ZNF423: variants seen among roughly 807,000 people sequenced by gnomAD.
The protein encoded by ZNF423 is Ebf-associated zinc finger protein.
A neutral mutation model predicts 95.8 loss-of-function variants in ZNF423; 12 were observed. The ratio of observed to expected loss-of-function variants is 0.13; its 90% CI spans 0.08 to 0.20. ZNF423 has a LOEUF of 0.20. ZNF423 is among the 10% of genes least tolerant of loss of function. The pLI is 1.00. For synonymous variants in ZNF423, 749 were observed against 711.9 expected (o/e 1.05, Z -0.83); for missense variants, 1,316 against 1,737.1 (o/e 0.76, Z 4.31).
intron 7 of ZNF423, among the ~76,000 whole-genome samples, chr16:49,512,639 A>G (rs1222163637): frequency 3.3e-5 from 5 of 152,214 alleles, no homozygotes; most frequent in African/African-American, 4.8e-5. Context: ...AAGTGATCCT[A>G]TTGGAAAAGG....
chr16:49,622,481 A>G (rs543558151), intron 5 of ZNF423, among the ~76,000 whole-genome samples: 29 of 152,220 alleles, frequency 1.9e-4, no homozygotes, highest in Admixed American at 1.7e-3. Flanking sequence ...AGCCTGGCAG[A>G]AACCCATTGT....
intron 3 of ZNF423, among the ~76,000 whole-genome samples, chr16:49,671,359 C>G (rs1185664927): frequency 6.6e-6 from 1 of 152,218 alleles, no homozygotes; most frequent in East Asian, 1.9e-4. Flanking sequence ...ACCATAGGCC[C>G]TGGGTCCTGT....
At position 49,492,970 on chromosome 16, in the gene ZNF423, G is replaced by A. The variant is rs918584750; in HGVS notation, c.3850-1666C>T. On this transcript the variant is annotated intron_variant, in intron 7 of 7. Transcript: ENST00000563137. The surrounding 1 kb of genome is among the most constrained non-coding windows in gnomAD (Gnocchi z 4.2). ...GGGCACCGCAGTCTGCAAATCACCC[G>A]CATTCTGCACCAGACACAGTGCCAC... Among the ~76,000 whole-genome samples the A allele has an allele frequency of 1.3e-5, 2 of 152,028 alleles. No homozygotes were observed. The highest frequency in any genetic ancestry group is 6.6e-5 in the Admixed American group (1 of 15,260).
intron 5 of ZNF423, among the ~76,000 whole-genome samples, chr16:49,562,430 C>T (rs757487104): frequency 1.1e-4 from 16 of 152,182 alleles, no homozygotes; most frequent in African/African-American, 1.2e-4. Flanking sequence ...AAGTGCTTGG[C>T]GCAGTGCCTG....
At chr16:49,509,349 G>A (rs572875053) in intron 7 of ZNF423, among the ~76,000 whole-genome samples, 2 of 152,180 alleles carry the variant, frequency 1.3e-5, no homozygotes, top group East Asian at 1.9e-4. Flanking sequence ...ATGCAGCCCC[G>A]GACAAGCCCC....
chr16:49,618,599 C>T (rs1157655438), intron 5 of ZNF423, among the ~76,000 whole-genome samples: 1 of 152,122 alleles, frequency 6.6e-6, no homozygotes, highest in Non-Finnish European at 1.5e-5. Context: ...TGTAAGTTTC[C>T]TGAGGCCTCC....
intron 5 of ZNF423, among the ~76,000 whole-genome samples, chr16:49,586,406 C>T (rs938547043): frequency 2.6e-5 from 4 of 152,146 alleles, no homozygotes; most frequent in African/African-American, 9.7e-5. Flanking sequence ...CAACAAAAGG[C>T]GATGATTATT....
chr16:49,577,384 G>T (rs1432991777), intron 5 of ZNF423, among the ~76,000 whole-genome samples: 2 of 152,188 alleles, frequency 1.3e-5, no homozygotes, highest in Non-Finnish European at 2.9e-5. Context: ...AGCAGGCACA[G>T]TGAGGTTACA....
chr16:49,608,194 A>G (rs1971602909), intron 5 of ZNF423, among the ~76,000 whole-genome samples: 1 of 152,238 alleles, frequency 6.6e-6, no homozygotes, highest in African/African-American at 2.4e-5. Context: ...GAGAAGGACC[A>G]TCGGAGGGAA....
chr16:49,612,388 A>G (rs1181609301), intron 5 of ZNF423, among the ~76,000 whole-genome samples: 1 of 149,440 alleles, frequency 6.7e-6, no homozygotes, highest in African/African-American at 2.5e-5. Context: ...GAAAAAGTGC[A>G]TGGTCTCACA....
At chr16:49,649,248 G>C (rs1044902058) in intron 3 of ZNF423, among the ~76,000 whole-genome samples, 87 of 152,288 alleles carry the variant, frequency 5.7e-4, no homozygotes, top group African/African-American at 2.0e-3. Flanking sequence ...ACTGGACCAG[G>C]TTCAGATTCC....
chr16:49,632,755 A>G (rs7193386), intron 4 of ZNF423, among the ~76,000 whole-genome samples: 56,264 of 152,082 alleles, frequency 0.37, 10,942 homozygotes, highest in African/African-American at 0.5. Flanking sequence ...GGTGCCCAGC[A>G]GAGCACCACT....
intron 7 of ZNF423, among the ~76,000 whole-genome samples, chr16:49,501,793 C>G (rs1278424813): frequency 1.3e-5 from 2 of 151,958 alleles, no homozygotes; most frequent in African/African-American, 4.8e-5. Flanking sequence ...AACCAAATAC[C>G]ACATGTTCTC....
At chr16:49,762,387 C>A (rs2033848095) in intron 2 of ZNF423, among the ~76,000 whole-genome samples, 1 of 152,174 alleles carries the variant, frequency 6.6e-6, no homozygotes, top group South Asian at 2.1e-4. Context: ...CCATGATGCC[C>A]AGACAGAATG....
chr16:49,560,640 T>A (rs1969984551), intron 5 of ZNF423, among the ~76,000 whole-genome samples: 1 of 152,232 alleles, frequency 6.6e-6, no homozygotes, highest in Admixed American at 6.5e-5. Flanking sequence ...CCTTGAGGCC[T>A]CGTCCAAGCC....
intron 7 of ZNF423, among the ~76,000 whole-genome samples, chr16:49,512,697 C>G (rs532942505): frequency 6.6e-5 from 10 of 152,314 alleles, no homozygotes; most frequent in Admixed American, 4.6e-4. Flanking sequence ...CTATAAAGTG[C>G]TTTACACATG....
At chr16:49,727,033 A>G (rs1199709078) in intron 3 of ZNF423, among the ~76,000 whole-genome samples, 1 of 152,112 alleles carries the variant, frequency 6.6e-6, no homozygotes, top group Non-Finnish European at 1.5e-5. Flanking sequence ...GAAAAATCAA[A>G]CAGACATCAG....
intron 5 of ZNF423, among the ~76,000 whole-genome samples, chr16:49,577,142 G>A (rs1314937034): frequency 6.6e-6 from 1 of 152,210 alleles, no homozygotes; most frequent in Non-Finnish European, 1.5e-5. Flanking sequence ...GCCAGCTGGC[G>A]TGGGGGGGTG....
At chr16:49,820,532 A>G (rs1444371980) in intron 1 of ZNF423, among the ~76,000 whole-genome samples, 3 of 152,238 alleles carry the variant, frequency 2.0e-5, no homozygotes, top group Admixed American at 6.5e-5. Context: ...CATTTTTTTA[A>G]TAAGGAGAAA....
Sources: allele counts gnomAD v4.1 joint callset (sites outside exome capture counted in the v4.1 genomes callset), GRCh38; gene constraint gnomAD v4.1.1; non-coding constraint Gnocchi (gnomAD v3.1); transcripts MANE v1.5; gene names NCBI Gene and HGNC (gene_info 2026-07-23, HGNC 2026-07-21).